The following CD2 variants were observed in gnomAD, a reference collection of about 807,000 sequenced individuals.
CD2 encodes the protein T-cell surface antigen CD2.
In CD2, 18 loss-of-function variants were observed where a neutral mutation model predicts 23.2. That is an observed-to-expected ratio of 0.77 (90% CI 0.54 to 1.15). The LOEUF is 1.15. CD2 is among the 50% of genes most tolerant of loss of function. The pLI is 0.00. For missense variants in CD2, 424 were observed against 423.1 expected, an observed-to-expected ratio of 1.00 and a Z score of -0.02; for synonymous variants, 162 against 151.9, an observed-to-expected ratio of 1.07 and a Z score of -0.49.
intron 2 of CD2, 127 bp downstream of exon 2, chr1:116,755,078 G>T: frequency 1.5e-6 from 1 of 659,780 alleles, no homozygotes; most frequent in South Asian, 2.0e-5. Flanking sequence ...GAAACCAGAT[G>T]CATGTCTCCT....
chr1:116,762,700 CAAGAGAT>C (rs1652095057), intron 3 of CD2, among the ~76,000 whole-genome samples: 1 of 152,174 alleles, frequency 6.6e-6, no homozygotes, highest in Admixed American at 6.5e-5. Flanking sequence ...ATGTGATCTC[CAAGAGAT>C]ACTGTTGGAA....
intron 4 of CD2, among the ~76,000 whole-genome samples, chr1:116,765,246 C>T (rs922539202): frequency 3.3e-5 from 5 of 152,166 alleles, no homozygotes; most frequent in African/African-American, 1.2e-4. Context: ...CAGAGAATGG[C>T]CAACCCGGGG....
intron 3 of CD2, among the ~76,000 whole-genome samples, chr1:116,762,652 A>G (rs1652092543): frequency 1.3e-5 from 2 of 152,264 alleles, no homozygotes; most frequent in South Asian, 4.1e-4. Flanking sequence ...GAACAGATTC[A>G]GATGCACAAA....
chr1:116,763,793 A>G (rs977403204), intron 3 of CD2, among the ~76,000 whole-genome samples: 1 of 152,130 alleles, frequency 6.6e-6, no homozygotes, highest in Non-Finnish European at 1.5e-5. Context: ...TCCTCATTGC[A>G]TTACAGTGAC....
Position 116,754,870 on chromosome 1 carries a change from G to A in CD2, c.301G>A (p.Asp101Asn). 1 of 1,612,782 alleles carries A rather than the reference G, an allele frequency of 6.2e-7. No homozygotes were observed. Among genetic ancestry groups the A allele is most frequent in the Non-Finnish European group, 8.5e-7 (1 of 1,178,868 alleles). Residue 101 changes from aspartate (D) to asparagine (N), a missense_variant, in exon 2 of 5, where the codon GAT (aspartate) becomes AAT (asparagine). Coordinates refer to ENST00000369478, the MANE Select transcript of CD2 (RefSeq NM_001767.5). ...TLKIKHLKTD[D>N]QDIYKVSIYD... is the part of the protein sequence containing the mutation. ...GAAAATTAAGCATCTGAAGACCGATGATCAGGATATCTACAAGGTATCAAT... is the reference window on the plus strand; with the variant it reads ...GAAAATTAAGCATCTGAAGACCGATAATCAGGATATCTACAAGGTATCAAT...
intron 2 of CD2, 34 bp downstream of exon 2, chr1:116,754,985 G>A: frequency 6.9e-7 from 1 of 1,443,724 alleles, no homozygotes; most frequent in Non-Finnish European, 9.5e-7. Flanking sequence ...CTTTATTTCA[G>A]TGTGGGTGCT....
chr1:116,756,677 C>CA (rs1247853863), intron 2 of CD2, among the ~76,000 whole-genome samples: 2 of 152,140 alleles, frequency 1.3e-5, no homozygotes, highest in Non-Finnish European at 2.9e-5. Flanking sequence ...ACCATCACCA[C>CA]AATCAACATT....
In CD2 at chr1:116,764,481, C is replaced by T. The variant is rs758783108; in HGVS notation, c.614-3C>T. On this transcript the variant is annotated splice_region_variant and splice_polypyrimidine_tract_variant and intron_variant, in intron 3 of 4. Coordinates refer to ENST00000369478, the MANE Select transcript of CD2 (RefSeq NM_001767.5). ...AGCCATCCCACTTCTCTTCCTTTTG[C>T]AGAGAAAGGTCTGGACATCTATCTC... 15 of 1,613,402 alleles carry T rather than the reference C, an allele frequency of 9.3e-6. No homozygotes were observed. The East Asian group carries it at 2.2e-4, about 24-fold the overall frequency.
chr1:116,761,995 T>TA (rs2101163769), intron 3 of CD2, among the ~76,000 whole-genome samples: 1 of 152,228 alleles, frequency 6.6e-6, no homozygotes, highest in East Asian at 1.9e-4. Flanking sequence ...CACACCCAGC[T>TA]AATTTTTAAA....
chr1:116,765,206 A>G (rs535457434), intron 4 of CD2, among the ~76,000 whole-genome samples: 1 of 152,276 alleles, frequency 6.6e-6, no homozygotes, highest in East Asian at 1.9e-4. Flanking sequence ...CGGCTTAGGG[A>G]GCATCCAGGC....
Position 116,768,648 on chromosome 1 carries a change from G to T in CD2, c.921G>T (p.Gln307His). The stretch of plus-strand genomic sequence containing the variant: ...CTCCTGGACACCGTGTTCAGCACCA[G>T]CCTCAGAAGAGGCCTCCTGCTCCGT... Reference protein sequence around the residue: ...PPPPGHRVQHQPQKRPPAPSG... With the variant: ...PPPPGHRVQHHPQKRPPAPSG... Residue 307 changes from glutamine (Q) to histidine (H), a missense_variant, in exon 5 of 5, where the codon CAG becomes CAT. Gln to His is a conservative substitution (Grantham distance 24). Transcript: ENST00000369478. The T allele has an allele frequency of 6.2e-7, 1 of 1,614,136 alleles. No homozygotes were observed. Among genetic ancestry groups the T allele is most frequent in the Non-Finnish European group, 8.5e-7 (1 of 1,180,038 alleles).
In CD2 at chr1:116,769,028, G is replaced by GCTTA. The variant is rs1652314064; in HGVS notation, c.*245_*246insCTTA. The GCTTA allele has an allele frequency of 6.2e-6, 3 of 484,992 alleles. No individual in the cohort carries two copies. Among genetic ancestry groups the GCTTA allele is most frequent in the South Asian group, 3.2e-5 (1 of 31,346 alleles). 30.0% of individuals were successfully genotyped at this position (484,992 alleles called of 1,614,324 possible). On this transcript the variant is annotated 3_prime_UTR_variant, in exon 5 of 5. Coordinates refer to ENST00000369478, the MANE Select transcript of CD2 (RefSeq NM_001767.5). The stretch of plus-strand genomic sequence containing the variant: ...CAATATAAGTGTGATTGCAAGAATG[G>GCTTA]TAGAGGACCGAGCACAGAAATCTTA...
chr1:116,764,749 C>T (rs1005712702), intron 4 of CD2, 143 bp downstream of exon 4: 106 of 661,058 alleles, frequency 1.6e-4, no homozygotes, highest in Non-Finnish European at 2.6e-4. Flanking sequence ...GCGGTTATAG[C>T]TTGTTTCATT....
At chr1:116,764,158 G>T (rs1386197083) in intron 3 of CD2, among the ~76,000 whole-genome samples, 2 of 152,094 alleles carry the variant, frequency 1.3e-5, no homozygotes. Flanking sequence ...TGCATTTAGA[G>T]TATCTCTAAG....
chr1:116,758,851 G>C (rs1651945152), intron 2 of CD2, among the ~76,000 whole-genome samples: 1 of 152,198 alleles, frequency 6.6e-6, no homozygotes, highest in Admixed American at 6.5e-5. Flanking sequence ...TAAGAAAACA[G>C]AGACCTAGTC....
At chr1:116,761,737 C>T (rs1001151814) in intron 3 of CD2, among the ~76,000 whole-genome samples, 7 of 152,214 alleles carry the variant, frequency 4.6e-5, no homozygotes, top group Admixed American at 3.9e-4. Context: ...CAATCACCAA[C>T]TTGACCAGCA....
chr1:116,757,158 G>C (rs557974907), intron 2 of CD2, among the ~76,000 whole-genome samples: 2 of 151,930 alleles, frequency 1.3e-5, no homozygotes, highest in East Asian at 3.9e-4. Context: ...CACCACGTCC[G>C]GCTAATTTTT....
chr1:116,758,173 A>G (rs1353009785), intron 2 of CD2, among the ~76,000 whole-genome samples: 1 of 152,084 alleles, frequency 6.6e-6, no homozygotes. Flanking sequence ...CGTTGTGGGT[A>G]ATTTTTAATC....
intron 2 of CD2, among the ~76,000 whole-genome samples, chr1:116,756,903 T>C (rs1174101870): frequency 6.6e-6 from 1 of 152,114 alleles, no homozygotes; most frequent in Admixed American, 6.5e-5. Flanking sequence ...AGACAAGGTG[T>C]GTACAAGTGT....
Sources: gnomAD v4.1 joint callset for allele counts (sites outside exome capture counted in the v4.1 genomes callset) on GRCh38, gnomAD v4.1.1 for gene constraint, MANE v1.5 for transcripts, NCBI Gene and HGNC (gene_info 2026-07-23, HGNC 2026-07-21) for gene names.